The following WWOX variants were observed in gnomAD, a reference collection of about 807,000 sequenced individuals.
The protein encoded by WWOX is WW domain containing oxidoreductase, also known as WW domain-containing oxidoreductase.
Under a neutral mutation model 46.2 loss-of-function variants are expected in WWOX, and 69 were observed. The observed-to-expected ratio is 1.49, with a 90% CI of 1.23 to 1.82. The LOEUF is 1.82. WWOX is among the 40% of genes most tolerant of loss of function. The pLI, the probability that WWOX is intolerant of heterozygous loss-of-function variation, is 0.00. For missense variants in WWOX, 919 were observed against 542.6 expected (o/e 1.69, Z -6.89); for synonymous variants, 359 against 202.6 (o/e 1.77, Z -6.56).
chr16:79,140,862 C>A (rs181064513), intron 8 of WWOX, among the ~76,000 whole-genome samples: 3 of 152,254 alleles, frequency 2.0e-5, no homozygotes, highest in African/African-American at 4.8e-5. Flanking sequence ...AGTTTCCGTA[C>A]GTCAGTTTCA....
intron 8 of WWOX, among the ~76,000 whole-genome samples, chr16:78,509,534 A>G (rs1398635991): frequency 6.6e-6 from 1 of 152,130 alleles, no homozygotes; most frequent in African/African-American, 2.4e-5. Flanking sequence ...TTTTGCGGTT[A>G]TCTACGTCTG....
At chr16:78,209,487 C>A (rs7500549) in intron 5 of WWOX, among the ~76,000 whole-genome samples, 2 of 151,986 alleles carry the variant, frequency 1.3e-5, no homozygotes, top group Non-Finnish European at 2.9e-5. Flanking sequence ...TTGTCTTAGG[C>A]CCAAAGTGAA....
chr16:78,221,095 G>T (rs2036872285), intron 5 of WWOX, among the ~76,000 whole-genome samples: 1 of 151,978 alleles, frequency 6.6e-6, no homozygotes, highest in Non-Finnish European at 1.5e-5. Flanking sequence ...AGTTAAGCTC[G>T]GTTCATCTGG....
At chr16:78,267,471 C>T (rs1476214573) in intron 5 of WWOX, among the ~76,000 whole-genome samples, 1 of 152,182 alleles carries the variant, frequency 6.6e-6, no homozygotes, top group African/African-American at 2.4e-5. Flanking sequence ...TGTAAAGTGT[C>T]AGTAGCTTTC....
chr16:78,742,867 G>A (rs533815733), intron 8 of WWOX, among the ~76,000 whole-genome samples: 1 of 152,148 alleles, frequency 6.6e-6, no homozygotes, highest in African/African-American at 2.4e-5. Flanking sequence ...AGAGCCGGGG[G>A]CTTCCCAGTG....
intron 8 of WWOX, among the ~76,000 whole-genome samples, chr16:78,980,263 C>G (rs2046654986): frequency 1.3e-5 from 2 of 152,176 alleles, no homozygotes; most frequent in African/African-American, 4.8e-5. Context: ...TGTGTGAGCT[C>G]CATTTGACAG....
chr16:78,769,553 ATTTATTTATT>A (rs1567547842), intron 8 of WWOX, among the ~76,000 whole-genome samples: 1 of 44,146 alleles, frequency 2.3e-5, no homozygotes, highest in Non-Finnish European at 4.2e-5. Context: ...TTATTTATTT[ATTTATTTATT>A]TATTTATTTA....
chr16:78,585,884 C>G (rs1421311336), intron 8 of WWOX, among the ~76,000 whole-genome samples: 1 of 151,948 alleles, frequency 6.6e-6, no homozygotes, highest in Admixed American at 6.6e-5. Flanking sequence ...CTCTTCCAAG[C>G]TGCGCATCTT....
At chr16:79,035,735 C>T (rs1161211317) in intron 8 of WWOX, among the ~76,000 whole-genome samples, 4 of 151,660 alleles carry the variant, frequency 2.6e-5, no homozygotes, top group South Asian at 4.2e-4. Context: ...GACGGGGTTT[C>T]GCCATGTTGG....
At chr16:78,350,375 C>G (rs1475884956) in intron 5 of WWOX, among the ~76,000 whole-genome samples, 1 of 121,276 alleles carries the variant, frequency 8.2e-6, no homozygotes, top group African/African-American at 2.8e-5. Flanking sequence ...CAGCTGTCAC[C>G]ACAGTCAAGT....
intron 8 of WWOX, among the ~76,000 whole-genome samples, chr16:79,097,839 C>G (rs549310129): frequency 3.3e-5 from 5 of 152,130 alleles, no homozygotes; most frequent in Non-Finnish European, 7.3e-5. Flanking sequence ...CAGTTCAGAT[C>G]TGTTGATTTT....
intron 6 of WWOX, among the ~76,000 whole-genome samples, chr16:78,405,472 C>G (rs2082505989): frequency 6.6e-6 from 1 of 152,070 alleles, no homozygotes; most frequent in African/African-American, 2.4e-5. Context: ...CACTGGCCAC[C>G]CAAGCTGATA....
chr16:78,394,221 G>T (rs551366962), intron 6 of WWOX, among the ~76,000 whole-genome samples: 1 of 152,060 alleles, frequency 6.6e-6, no homozygotes, highest in African/African-American at 2.4e-5. Context: ...TCCATTTTTG[G>T]TTTGCCTAAC....
intron 8 of WWOX, among the ~76,000 whole-genome samples, chr16:78,532,065 T>G (rs374652013): frequency 0.012 from 1,738 of 144,720 alleles, 26 homozygotes; most frequent in Middle Eastern, 0.047. Flanking sequence ...AGTAGGGAGT[T>G]TTTTTTTTTT....
chr16:79,103,260 G>A (rs931155787), intron 8 of WWOX, among the ~76,000 whole-genome samples: 1 of 152,202 alleles, frequency 6.6e-6, no homozygotes, highest in Non-Finnish European at 1.5e-5. Context: ...GTTTTCTGAA[G>A]AGGCATCTAT....
intron 8 of WWOX, among the ~76,000 whole-genome samples, chr16:78,695,303 C>G (rs2048075219): frequency 6.6e-6 from 1 of 152,056 alleles, no homozygotes; most frequent in Admixed American, 6.6e-5. Flanking sequence ...AGCAGCTTCC[C>G]CCCACTTTTT....
intron 8 of WWOX, among the ~76,000 whole-genome samples, chr16:78,561,638 C>T (rs572061061): frequency 6.6e-6 from 1 of 151,120 alleles, no homozygotes; most frequent in South Asian, 2.1e-4. Context: ...GAGACTTTTT[C>T]AAAAGCAGAA....
At chr16:79,149,176 A>G (rs184430792) in intron 8 of WWOX, among the ~76,000 whole-genome samples, 73 of 152,256 alleles carry the variant, frequency 4.8e-4, no homozygotes, top group African/African-American at 1.6e-3. Flanking sequence ...AATTTTTTGT[A>G]GATGTTCTTT....
chr16:79,007,940 C>T (rs556470691), intron 8 of WWOX, among the ~76,000 whole-genome samples: 1 of 152,164 alleles, frequency 6.6e-6, no homozygotes, highest in South Asian at 2.1e-4. Flanking sequence ...ATTGTGTTAG[C>T]TATCTCTTGC....
Sources: gnomAD v4.1 joint callset for allele counts (sites outside exome capture counted in the v4.1 genomes callset) on GRCh38, gnomAD v4.1.1 for gene constraint, MANE v1.5 for transcripts, NCBI Gene and HGNC (gene_info 2026-07-23, HGNC 2026-07-21) for gene names.